Variants in CASKIN2 observed in about 807,000 individuals in gnomAD.
CASKIN2 encodes caskin-2.
A neutral mutation model predicts 107.1 loss-of-function variants in CASKIN2; 41 were observed. That is an observed-to-expected ratio of 0.38 (90% CI 0.30 to 0.50). The LOEUF (loss-of-function observed/expected upper bound fraction) is 0.50. CASKIN2 is among the 20% of genes least tolerant of loss of function. The probability of loss-of-function intolerance (pLI) is 0.92; values close to 1 mark genes in which losing one functional copy is unlikely to be tolerated. For synonymous variants in CASKIN2, 724 were observed against 705.6 expected (o/e 1.03, Z -0.41); for missense variants, 1,546 against 1,657.4 (o/e 0.93, Z 1.17).
Position 75,505,202 on chromosome 17 carries a change from G to C in CASKIN2, c.931-129C>G, listed in dbSNP as rs2053252320. On this transcript the variant is annotated intron_variant, in intron 10 of 19. Transcript: ENST00000321617. This position sits in a 1 kb window ranked among gnomAD's most constrained non-coding sequence, Gnocchi z 5.1. ...CCCTACCCCTAAGGAGCTGGCCTCT[G>C]ATGCCCACACTGGCCCAAGTTCCGC... The C allele has an allele frequency of 9.4e-7, 1 of 1,069,050 alleles. No homozygotes were observed. Among genetic ancestry groups the C allele is most frequent in the Non-Finnish European group, 1.4e-6 (1 of 725,230 alleles). 66.2% of individuals were successfully genotyped at this position (1,069,050 alleles called of 1,614,324 possible). A position where few individuals can be genotyped will look rare whatever the true frequency, so the allele number is the denominator to read the frequency against.
chr17:75,512,710 C>G (rs1489180949), intron 2 of CASKIN2, among the ~76,000 whole-genome samples: 2 of 151,982 alleles, frequency 1.3e-5, no homozygotes, highest in African/African-American at 4.8e-5. Flanking sequence ...GAGTTCGAGA[C>G]CAGCCTGACC....
chr17:75,501,244 C>G, intron 19 of CASKIN2, 74 bp from the exon 20 acceptor site: 1 of 1,381,994 alleles, frequency 7.2e-7, no homozygotes. Flanking sequence ...AGGGAGCTGT[C>G]ATAGCTCCCA....
rs1315389661 is a variant in CASKIN2 at position 75,505,406 on chromosome 17, G to T, written c.930+151C>A. 1.4e-6 allele frequency: 1 copy of T among 735,284 alleles called. No homozygotes were observed. Among genetic ancestry groups the T allele is most frequent in the East Asian group, 2.5e-5 (1 of 40,542 alleles). The allele number at this position is 735,284 out of a possible 1,614,324, so 45.5% of individuals were successfully genotyped here. On this transcript the variant is annotated intron_variant, in intron 10 of 19. Coordinates refer to ENST00000321617, the MANE Select transcript of CASKIN2 (RefSeq NM_020753.5). The surrounding 1 kb of genome is among the most constrained non-coding windows in gnomAD (Gnocchi z 5.1). ...ATTTTGTCATCTGTAAAGAAGAAAT[G>T]CTAACAGCACTGCCTTCCCTGGCTT...
In CASKIN2 at chr17:75,514,101, T is replaced by C. The variant is rs2053336808; in HGVS notation, c.-297A>G. The C allele has an allele frequency of 1.8e-6, 1 of 546,858 alleles. No homozygotes were observed. The highest frequency in any genetic ancestry group is 3.2e-6 in the Non-Finnish European group (1 of 308,732). The allele number at this position is 546,858 out of a possible 1,614,324, so 33.9% of individuals were successfully genotyped here. On this transcript the variant is annotated 5_prime_UTR_variant, in exon 2 of 20. Transcript: ENST00000321617. ...CGACAGCTCCAGGATGGGCTGGGAC[T>C]GGGCACACCAATCTTCCCGGCTTGG...
At position 75,507,651 on chromosome 17, in the gene CASKIN2, C is replaced by T. The variant is rs146822740; in HGVS notation, c.177G>A (p.Gly59=). Reference sequence around the variant, plus strand: ...GCAAGGCTATGAGCTCCAGGCTGCCCCCCAAAGCAGCGTGGTGGAGGGCAG... The same window carrying T: ...GCAAGGCTATGAGCTCCAGGCTGCCTCCCAAAGCAGCGTGGTGGAGGGCAG... ...GFSALHHAAL[G]GSLELIALLL... is the part of the protein sequence containing the mutation. The change falls in exon 4 of 20, where the codon GGG becomes GGA. Residue 59 remains glycine, a synonymous_variant. Coordinates refer to ENST00000321617, the MANE Select transcript of CASKIN2 (RefSeq NM_020753.5). 6.2e-7 allele frequency: 1 copy of T among 1,613,016 alleles called. No homozygotes were observed. Among genetic ancestry groups the T allele is most frequent in the Non-Finnish European group, 8.5e-7 (1 of 1,179,630 alleles).
chr17:75,502,165 G>C lies in CASKIN2; in HGVS notation c.2909C>G (p.Pro970Arg), dbSNP rs1441788754. The stretch of plus-strand genomic sequence containing the variant: ...GGGGGGCACGGGTGTCTCTCGGGGC[G>C]GGGGGCCAGCGGGCTTCGGGCGCTG... Reference protein sequence around the residue: ...IKQRPKPAGPPPRETPVPPGL... With the variant: ...IKQRPKPAGPRPRETPVPPGL... The change falls in exon 18 of 20, where the codon CCG becomes CGG. Residue 970 changes from proline to arginine, a missense_variant. Coordinates refer to ENST00000321617, the MANE Select transcript of CASKIN2 (RefSeq NM_020753.5). This position sits in a 1 kb window ranked among gnomAD's most constrained non-coding sequence, Gnocchi z 4.3. The C allele has an allele frequency of 1.9e-6, 3 of 1,600,868 alleles. No individual in the cohort carries two copies. Among genetic ancestry groups the C allele is most frequent in the Non-Finnish European group, 2.5e-6 (3 of 1,179,344 alleles).
chr17:75,508,396 T>C, intron 2 of CASKIN2, 111 bp from the exon 3 acceptor site: 4 of 1,198,154 alleles, frequency 3.3e-6, no homozygotes, highest in Non-Finnish European at 4.8e-6. Context: ...GGAAAGCACC[T>C]GCCCCATGGC....
Position 75,501,650 on chromosome 17 carries a change from C to A in CASKIN2, c.3336G>T (p.Leu1112=). The part of the protein sequence containing the change: ...PKPVSVACTQ[L]AFSGPKLAPR... ...GCGCTAGCTTAGGGCCAGAAAATGC[C>A]AGCTGGGTGCAGGCCACCGACACAG... Residue 1112 remains leucine, a synonymous_variant, in exon 19 of 20, where the codon CTG becomes CTT. Transcript: ENST00000321617. 6.3e-7 allele frequency: 1 copy of A among 1,588,650 alleles called. No homozygotes were observed.
Position 75,504,485 on chromosome 17 carries a change from A to T in CASKIN2, c.1315-5T>A. On this transcript the variant is annotated splice_polypyrimidine_tract_variant and splice_region_variant and intron_variant, in intron 12 of 19. Coordinates refer to ENST00000321617, the MANE Select transcript of CASKIN2 (RefSeq NM_020753.5). ...CTCTCCAGCAGAGGGCAGTGGCTGG[A>T]GGAGACAGGGCAGGAGCCAACTCAG... 1 of 1,604,214 alleles carries T rather than the reference A, an allele frequency of 6.2e-7. No individual in the cohort carries two copies. Among genetic ancestry groups the T allele is most frequent in the Non-Finnish European group, 8.5e-7 (1 of 1,173,342 alleles).
chr17:75,502,823 G>T lies in CASKIN2; in HGVS notation c.2251C>A (p.Pro751Thr), dbSNP rs777599231. The change falls in exon 18 of 20, where the codon CCC (proline) becomes ACC (threonine). Residue 751 changes from proline (P) to threonine (T), a missense_variant. This residue lies in a region of CASKIN2 where 1,311 missense variants were observed against 1,311.0 expected (regional missense o/e 1.00). Coordinates refer to ENST00000321617, the MANE Select transcript of CASKIN2 (RefSeq NM_020753.5). The surrounding 1 kb of genome is among the most constrained non-coding windows in gnomAD (Gnocchi z 4.3). Reference sequence around the variant, plus strand: ...GGGTACATAAAAACATAGGGTGGGGGTCCTTGGCCAGGAAGTGAAGAACAA... The same window carrying T: ...GGGTACATAAAAACATAGGGTGGGGTTCCTTGGCCAGGAAGTGAAGAACAA... ...KLCSSLPGQG[P>T]PPYVFMYPQG... 1.3e-6 allele frequency: 2 copies of T among 1,559,352 alleles called. No homozygotes were observed. Among genetic ancestry groups the T allele is most frequent in the South Asian group, 1.2e-5 (1 of 83,476 alleles).
intron 2 of CASKIN2, chr17:75,509,443 G>C (rs2053298500): frequency 2.6e-6 from 1 of 391,044 alleles, no homozygotes; most frequent in African/African-American, 2.2e-5. Flanking sequence ...GACCAACCTG[G>C]CAGTAGGGAA....
chr17:75,506,359 C>T lies in CASKIN2; in HGVS notation c.672G>A (p.Ala224=), dbSNP rs767909008. Residue 224 remains alanine, a synonymous_variant, in exon 8 of 20, where the codon GCG becomes GCA. Transcript: ENST00000321617. This position sits in a 1 kb window ranked among gnomAD's most constrained non-coding sequence, Gnocchi z 4.8. ...TGCCATACAGTGCGGCCTCGTGGAG[C>T]GCCGTACCCGTCTTGGTCTGGCGGT... ...EINRQTKTGT[A]LHEAALYGKT... 2.0e-5 allele frequency: 32 copies of T among 1,611,810 alleles called. No homozygotes were observed. Among genetic ancestry groups the T allele is most frequent in the Admixed American group, 3.3e-5 (2 of 59,998 alleles).
chr17:75,513,949 G>A lies in CASKIN2; in HGVS notation c.-145C>T, dbSNP rs117424037. 0.033 allele frequency: 21,761 copies of A among 664,166 alleles called. 479 individuals carry two copies. The highest frequency in any genetic ancestry group is 0.075 in the Middle Eastern group (270 of 3,580). 41.1% of individuals were successfully genotyped at this position (664,166 alleles called of 1,614,324 possible). A position where few individuals can be genotyped will look rare whatever the true frequency, so the allele number is the denominator to read the frequency against. ...GCAAGTCAGGTGTCCCAGGCAGTGG[G>A]CTCCTCGTCAGGTACTGAGGGATAC... On this transcript the variant is annotated 5_prime_UTR_variant, in exon 2 of 20. Transcript: ENST00000321617.
chr17:75,512,635 C>A (rs1030353281), intron 2 of CASKIN2, among the ~76,000 whole-genome samples: 1 of 152,078 alleles, frequency 6.6e-6, no homozygotes, highest in Non-Finnish European at 1.5e-5. Flanking sequence ...TGGCCTGGTG[C>A]GGTGGCTCAT....
chr17:75,510,630 G>GC (rs2053308530), intron 2 of CASKIN2, among the ~76,000 whole-genome samples: 1 of 152,098 alleles, frequency 6.6e-6, no homozygotes, highest in Non-Finnish European at 1.5e-5. Context: ...TTGCTCTGCT[G>GC]CCCAGGTTGG....
Position 75,513,790 on chromosome 17 carries a change from C to T in CASKIN2, c.15G>A (p.Gln5=), listed in dbSNP as rs753457679. The stretch of plus-strand genomic sequence containing the variant: ...CATTCTTGACGGCGAGGATCAGGTC[C>T]TGTTCACGACCCATACTGGCTCCTG... The part of the protein sequence containing the change: MGRE[Q]DLILAVKNGD... The change falls in exon 2 of 20, where the codon CAG becomes CAA. Residue 5 remains glutamine (Q), a synonymous_variant. Coordinates refer to ENST00000321617, the MANE Select transcript of CASKIN2 (RefSeq NM_020753.5). The T allele has an allele frequency of 1.2e-6, 2 of 1,613,742 alleles. No individual in the cohort carries two copies. Among genetic ancestry groups the T allele is most frequent in the East Asian group, 2.2e-5 (1 of 44,878 alleles).
Position 75,503,872 on chromosome 17 carries a change from T to C in CASKIN2, c.1558A>G (p.Ile520Val). ...FLQAGYDVPT[I>V]SRMTPEDLTA... ...CCCACCTCAGGTGTCATGCGGCTGA[T>C]GGTAGGCACATCATAGCCGGCCTGC... Residue 520 changes from isoleucine (I) to valine (V), a missense_variant, in exon 15 of 20, where the codon ATC becomes GTC. By Grantham distance (29) the Ile-to-Val change is conservative (BLOSUM62 3). This residue lies in a region of CASKIN2 where 1,311 missense variants were observed against 1,311.0 expected (regional missense o/e 1.00). Coordinates refer to ENST00000321617, the MANE Select transcript of CASKIN2 (RefSeq NM_020753.5). 4 of 1,612,714 alleles carry C rather than the reference T, an allele frequency of 2.5e-6. No homozygotes were observed. The highest frequency in any genetic ancestry group is 3.4e-6 in the Non-Finnish European group (4 of 1,179,896).
In CASKIN2 at chr17:75,505,925, C is replaced by A; in HGVS notation, c.731G>T (p.Gly244Val). 1 of 1,613,318 alleles carries A rather than the reference C, an allele frequency of 6.2e-7. No individual in the cohort carries two copies. Among genetic ancestry groups the A allele is most frequent in the Non-Finnish European group, 8.5e-7 (1 of 1,179,796 alleles). Reference sequence around the variant, plus strand: ...CGTATTCCGGATGTTCACGTCCACACCTCCCTGGGTGCACAGTGTCACATG... The same window carrying A: ...CGTATTCCGGATGTTCACGTCCACAACTCCCTGGGTGCACAGTGTCACATG... ...TEVVRLLLEG[G>V]VDVNIRNTYN... is the part of the protein sequence containing the mutation. The change falls in exon 9 of 20, where the codon GGT becomes GTT. Residue 244 changes from glycine to valine, a missense_variant. Gly to Val is a moderately radical substitution (Grantham distance 109). Transcript: ENST00000321617. The surrounding 1 kb of genome is among the most constrained non-coding windows in gnomAD (Gnocchi z 5.1).
chr17:75,505,543 T>C lies in CASKIN2; in HGVS notation c.930+14A>G, dbSNP rs369435317. 75 of 1,612,484 alleles carry C rather than the reference T, an allele frequency of 4.7e-5. No individual in the cohort carries two copies. In the African/African-American group the frequency reaches 7.7e-4, roughly 17 times the overall value. On this transcript the variant is annotated intron_variant, in intron 10 of 19. Transcript: ENST00000321617. The surrounding 1 kb of genome is among the most constrained non-coding windows in gnomAD (Gnocchi z 5.1). ...TTTGTATTTGCAAAGGAATGCCTGC[T>C]TGGGGTCCCTCACCGTGATGACATC...
Sources: allele counts gnomAD v4.1 joint callset (sites outside exome capture counted in the v4.1 genomes callset), GRCh38; gene constraint gnomAD v4.1.1; regional missense constraint gnomAD v4.1.1; non-coding constraint Gnocchi (gnomAD v3.1); transcripts MANE v1.5; gene names NCBI Gene and HGNC (gene_info 2026-07-23, HGNC 2026-07-21).